MRGPRE: variants seen among roughly 807,000 people sequenced by gnomAD.
MRGPRE encodes MAS related GPR family member E.
For missense variants in MRGPRE, 466 were observed against 433.4 expected, an observed-to-expected ratio of 1.08 and a Z score of -0.67; for synonymous variants, 229 against 206.7, an observed-to-expected ratio of 1.11 and a Z score of -0.92.
Position 3,225,260 on chromosome 11 carries a change from G to A in MRGPRE, c.*2601C>T, listed in dbSNP as rs1847746807. Among the ~76,000 whole-genome samples the A allele has an allele frequency of 6.6e-6, 1 of 152,258 alleles. No homozygotes were observed. The highest frequency in any genetic ancestry group is 2.4e-5 in the African/African-American group (1 of 41,478). On this transcript the variant is annotated 3_prime_UTR_variant, in exon 2 of 2. Coordinates refer to ENST00000389832, the MANE Select transcript of MRGPRE (RefSeq NM_001039165.4). ...AGCCTCCCTGGGCCCTGAGGACGGA[G>A]CGGGTTACACAGGCTCCCTGGAATG...
rs578174308 is a variant in MRGPRE, at chr11:3,226,931, C to G, written c.*930G>C. Among the ~76,000 whole-genome samples, 2 of 152,358 alleles carry G rather than the reference C, an allele frequency of 1.3e-5. No individual in the cohort carries two copies. Among genetic ancestry groups the G allele is most frequent in the African/African-American group, 4.8e-5 (2 of 41,586 alleles). ...CCCAGGCTGTGGGCTCCAAAGCCCC[C>G]ACTCTAGCACCCCTGGCACATGCTC... On this transcript the variant is annotated 3_prime_UTR_variant, in exon 2 of 2. Coordinates refer to ENST00000389832, the MANE Select transcript of MRGPRE (RefSeq NM_001039165.4).
chr11:3,230,102 A>G lies in MRGPRE; in HGVS notation c.-61-1242T>C, dbSNP rs1039252101. On this transcript the variant is annotated intron_variant, in intron 1 of 1. Transcript: ENST00000389832. The surrounding 1 kb of genome is among the most constrained non-coding windows in gnomAD (Gnocchi z 5.5). Reference sequence around the variant, plus strand: ...CTGCCAGGTGCTCAGAGCCGGAGACATGCCTGCAGATACCCGGCCCCATGC... The same window carrying G: ...CTGCCAGGTGCTCAGAGCCGGAGACGTGCCTGCAGATACCCGGCCCCATGC... Among the ~76,000 whole-genome samples the G allele has an allele frequency of 2.0e-5, 3 of 152,148 alleles. No homozygotes were observed. The highest frequency in any genetic ancestry group is 4.4e-5 in the Non-Finnish European group (3 of 68,012).
chr11:3,228,186 C>G lies in MRGPRE; in HGVS notation c.614G>C (p.Arg205Pro). 1 of 1,562,356 alleles carries G rather than the reference C, an allele frequency of 6.4e-7. No individual in the cohort carries two copies. Reference sequence around the variant, plus strand: ...CCGGGGTGGGGGCCGCTGGGGGCCTCGCTCCACCCGCAGCAGCAGCATAAG... The same window carrying G: ...CCGGGGTGGGGGCCGCTGGGGGCCTGGCTCCACCCGCAGCAGCAGCATAAG... The part of the protein sequence containing the change: ...ASLMLLLRVE[R>P]GPQRPPPRGF... Residue 205 changes from arginine (R) to proline (P), a missense_variant, in exon 2 of 2, where the codon CGA (arginine) becomes CCA (proline). Physicochemically the swap from Arg to Pro is moderately radical, Grantham distance 103. Coordinates refer to ENST00000389832, the MANE Select transcript of MRGPRE (RefSeq NM_001039165.4).
At position 3,228,629 on chromosome 11, in the gene MRGPRE, G is replaced by A. The variant is rs376921803; in HGVS notation, c.171C>T (p.Pro57=). The A allele has an allele frequency of 3.8e-5, 62 of 1,614,146 alleles. No individual in the cohort carries two copies. The African/African-American group carries it at 7.5e-4, about 19-fold the overall frequency. The part of the protein sequence containing the change: ...WLLSSNVYRN[P]FAIYLLDVAC... ...CCACGTCCAGGAGGTAGATGGCGAA[G>A]GGGTTTCTGTAGACATTGGAGCTGA... Residue 57 remains proline, a synonymous_variant, in exon 2 of 2, where the codon CCC becomes CCT. Transcript: ENST00000389832.
Position 3,228,374 on chromosome 11 carries a change from A to T in MRGPRE, c.426T>A (p.Cys142Ter). Residue 142 changes from cysteine to a stop codon, truncating the protein, a stop_gained, in exon 2 of 2, where the codon TGT (cysteine) becomes TGA (stop). Transcript: ENST00000389832. LOFTEE classifies it low-confidence loss of function (END_TRUNC). ...SCRRPRHLTTCVCALTWALCL... is the reference protein window; with the variant it reads ...SCRRPRHLTT ...AGAGGGCCCAGGTGAGGGCGCACACACAGGTGGTCAGGTGGCGTGGGCGGC... is the reference window on the plus strand; with the variant it reads ...AGAGGGCCCAGGTGAGGGCGCACACTCAGGTGGTCAGGTGGCGTGGGCGGC... 1 of 1,590,018 alleles carries T rather than the reference A, an allele frequency of 6.3e-7. No individual in the cohort carries two copies. The highest frequency in any genetic ancestry group is 1.3e-5 in the African/African-American group (1 of 74,546).
In MRGPRE at chr11:3,227,071, C is replaced by T. The variant is rs1392094658; in HGVS notation, c.*790G>A. Among the ~76,000 whole-genome samples, 4 of 152,108 alleles carry T rather than the reference C, an allele frequency of 2.6e-5. No homozygotes were observed. Among genetic ancestry groups the T allele is most frequent in the Admixed American group, 6.5e-5 (1 of 15,284 alleles). ...GAGCGGGACTTGCTCAGGACAGAGGCGGGTGAACTGCCTTGGATGGGGCCG... is the reference window on the plus strand; with the variant it reads ...GAGCGGGACTTGCTCAGGACAGAGGTGGGTGAACTGCCTTGGATGGGGCCG... On this transcript the variant is annotated 3_prime_UTR_variant, in exon 2 of 2. Transcript: ENST00000389832.
Position 3,227,840 on chromosome 11 carries a change from T to A in MRGPRE, c.*21A>T. The A allele has an allele frequency of 7.0e-7, 1 of 1,431,364 alleles. No homozygotes were observed. The highest frequency in any genetic ancestry group is 9.2e-7 in the Non-Finnish European group (1 of 1,092,894). 88.7% of individuals were successfully genotyped at this position (1,431,364 alleles called of 1,614,324 possible). Reference sequence around the variant, plus strand: ...CCTCTTGCCTCACGGGGGCTGCAGCTGGGGTCGGGGGCCCCAGGGCTCAGG... The same window carrying A: ...CCTCTTGCCTCACGGGGGCTGCAGCAGGGGTCGGGGGCCCCAGGGCTCAGG... On this transcript the variant is annotated 3_prime_UTR_variant, in exon 2 of 2. Transcript: ENST00000389832.
Position 3,228,533 on chromosome 11 carries a change from C to T in MRGPRE, c.267G>A (p.Leu89=), listed in dbSNP as rs755887832. ...AIVPDLLQGR[L]DFPGFVQTSL... ...TGGTCTGCACGAAGCCCGGGAAGTC[C>T]AGCCGGCCTTGCAGCAAGTCGGGGA... The change falls in exon 2 of 2, where the codon CTG becomes CTA. Residue 89 remains leucine (L), a synonymous_variant. Coordinates refer to ENST00000389832, the MANE Select transcript of MRGPRE (RefSeq NM_001039165.4). 3.6e-5 allele frequency: 58 copies of T among 1,613,802 alleles called. No individual in the cohort carries two copies. Among genetic ancestry groups the T allele is most frequent in the Non-Finnish European group, 4.7e-5 (56 of 1,179,902 alleles).
rs1325272420 is a variant in MRGPRE at position 3,231,909 on chromosome 11, A to G, written c.-62+232T>C. Among the ~76,000 whole-genome samples the G allele has an allele frequency of 6.6e-6, 1 of 152,036 alleles. No homozygotes were observed. ...ACCGGGGGTGGGGGGTTGGGGAGCC[A>G]TCACCCAAGCTATCGTCCTCTTCCA... On this transcript the variant is annotated intron_variant, in intron 1 of 1. Coordinates refer to ENST00000389832, the MANE Select transcript of MRGPRE (RefSeq NM_001039165.4). The surrounding 1 kb of genome is among the most constrained non-coding windows in gnomAD (Gnocchi z 4.7).
Position 3,230,217 on chromosome 11 carries a change from C to A in MRGPRE, c.-61-1357G>T, listed in dbSNP as rs984038922. ...TGGGGTTGGGGGAGAGGGGATGGGG[C>A]CTTGCCTCTCCCCAGAGACTGGCTG... On this transcript the variant is annotated intron_variant, in intron 1 of 1. Transcript: ENST00000389832. The surrounding 1 kb of genome is among the most constrained non-coding windows in gnomAD (Gnocchi z 5.5). Among the ~76,000 whole-genome samples the A allele has an allele frequency of 2.0e-5, 3 of 151,840 alleles. No individual in the cohort carries two copies. The highest frequency in any genetic ancestry group is 6.6e-5 in the Admixed American group (1 of 15,266).
rs762343476 is a variant in MRGPRE at position 3,228,443 on chromosome 11, C to G, written c.357G>C (p.Val119=). The G allele has an allele frequency of 3.7e-6, 6 of 1,611,484 alleles. No individual in the cohort carries two copies. The African/African-American group carries it at 8.0e-5, about 22-fold the overall frequency. ...VGLSLLAAVS[V]EQCLAALFPA... Reference sequence around the variant, plus strand: ...GGAAGAGGGCGGCCAGGCACTGCTCCACGCTGACGGCCGCCAGGAGACTCA... The same window carrying G: ...GGAAGAGGGCGGCCAGGCACTGCTCGACGCTGACGGCCGCCAGGAGACTCA... Residue 119 remains valine, a synonymous_variant, in exon 2 of 2, where the codon GTG becomes GTC. Coordinates refer to ENST00000389832, the MANE Select transcript of MRGPRE (RefSeq NM_001039165.4).
rs904006160 is a variant in MRGPRE, at chr11:3,227,622, G to A, written c.*239C>T. ...GGTTTCCCAAAAATGCACGTTCCTCGGCCTTCTCCCCAGAGACCCGGCCCG... is the reference window on the plus strand; with the variant it reads ...GGTTTCCCAAAAATGCACGTTCCTCAGCCTTCTCCCCAGAGACCCGGCCCG... On this transcript the variant is annotated 3_prime_UTR_variant, in exon 2 of 2. Coordinates refer to ENST00000389832, the MANE Select transcript of MRGPRE (RefSeq NM_001039165.4). 1.4e-5 allele frequency: 6 copies of A among 420,604 alleles called. No homozygotes were observed. The highest frequency in any genetic ancestry group is 2.1e-5 in the Non-Finnish European group (5 of 239,682). The allele number at this position is 420,604 out of a possible 1,614,324, so 26.1% of individuals were successfully genotyped here. A position where few individuals can be genotyped will look rare whatever the true frequency, so the allele number is the denominator to read the frequency against.
rs1190014735 is a variant in MRGPRE at position 3,226,883 on chromosome 11, G to A, written c.*978C>T. 4.6e-5 allele frequency among the ~76,000 whole-genome samples: 7 copies of A among 152,242 alleles called. No individual in the cohort carries two copies. The highest frequency in any genetic ancestry group is 1.0e-4 in the Non-Finnish European group (7 of 68,038). On this transcript the variant is annotated 3_prime_UTR_variant, in exon 2 of 2. Coordinates refer to ENST00000389832, the MANE Select transcript of MRGPRE (RefSeq NM_001039165.4). ...GTTCAGAGATGGCCTTGGCAGCACAGTGGGGTGGCTAGCGGGGCTCAGCCC... is the reference window on the plus strand; with the variant it reads ...GTTCAGAGATGGCCTTGGCAGCACAATGGGGTGGCTAGCGGGGCTCAGCCC...
Position 3,228,478 on chromosome 11 carries a change from T to C in MRGPRE, c.322A>G (p.Ile108Val), listed in dbSNP as rs374764339. ...GCCGCCAGGAGACTCAGGCCCACGA[T>C]GTAGCAGAAGAAGCGCAGCGTTGCC... ...SLATLRFFCY[I>V]VGLSLLAAVS... The change falls in exon 2 of 2, where the codon ATC (isoleucine) becomes GTC (valine). Residue 108 changes from isoleucine (I) to valine (V), a missense_variant. Ile to Val is a conservative substitution (Grantham distance 29, BLOSUM62 3). Coordinates refer to ENST00000389832, the MANE Select transcript of MRGPRE (RefSeq NM_001039165.4). The C allele has an allele frequency of 1.9e-6, 3 of 1,613,246 alleles. No individual in the cohort carries two copies. Among genetic ancestry groups the C allele is most frequent in the African/African-American group, 2.7e-5 (2 of 74,934 alleles).
In MRGPRE at chr11:3,227,804, C is replaced by T. The variant is rs1038015911; in HGVS notation, c.*57G>A. 6 of 1,371,052 alleles carry T rather than the reference C, an allele frequency of 4.4e-6. No homozygotes were observed. The highest frequency in any genetic ancestry group is 1.5e-5 in the African/African-American group (1 of 68,522). The allele number at this position is 1,371,052 out of a possible 1,614,324, so 84.9% of individuals were successfully genotyped here. A position where few individuals can be genotyped will look rare whatever the true frequency, so the allele number is the denominator to read the frequency against. On this transcript the variant is annotated 3_prime_UTR_variant, in exon 2 of 2. Coordinates refer to ENST00000389832, the MANE Select transcript of MRGPRE (RefSeq NM_001039165.4). Reference sequence around the variant, plus strand: ...CCCCAGCCTCTGACCCCACCACCTTCCCCAAGTCACCCTCTTGCCTCACGG... The same window carrying T: ...CCCCAGCCTCTGACCCCACCACCTTTCCCAAGTCACCCTCTTGCCTCACGG...
In MRGPRE at chr11:3,229,212, C is replaced by CTTTT. The variant is rs60799467; in HGVS notation, c.-61-356_-61-353dup. 5.6e-3 allele frequency among the ~76,000 whole-genome samples: 712 copies of CTTTT among 126,440 alleles called. 89 individuals are homozygous for CTTTT. The highest frequency in any genetic ancestry group is 0.01 in the African/African-American group (308 of 29,886). 82.9% of individuals were successfully genotyped at this position (126,440 alleles called of 152,430 possible). On this transcript the variant is annotated intron_variant, in intron 1 of 1. Coordinates refer to ENST00000389832, the MANE Select transcript of MRGPRE (RefSeq NM_001039165.4). This position sits in a 1 kb window ranked among gnomAD's most constrained non-coding sequence, Gnocchi z 4.4. Reference sequence around the variant, plus strand: ...GTGGTGCCTTGATCCTCAGAATGGGCTTTTTTTTTTTTTTTTTTTTTTTTT... The same window carrying CTTTT: ...GTGGTGCCTTGATCCTCAGAATGGGCTTTTTTTTTTTTTTTTTTTTTTTTTTTTT...
Position 3,228,135 on chromosome 11 carries a change from G to T in MRGPRE, c.665C>A (p.Thr222Asn). The change falls in exon 2 of 2, where the codon ACC (threonine) becomes AAC (asparagine). Residue 222 changes from threonine (T) to asparagine (N), a missense_variant. Transcript: ENST00000389832. ...PRGFPGLILL[T>N]VLLFLFCGLP... ...GCCGCAGAAGAGGAAGAGGAGGACG[G>T]TGAGGAGGATGAGCCCAGGGAAGCC... The T allele has an allele frequency of 6.3e-7, 1 of 1,585,756 alleles. No homozygotes were observed. Among genetic ancestry groups the T allele is most frequent in the Middle Eastern group, 1.7e-4 (1 of 6,024 alleles).
intron 1 of MRGPRE, 107 bp from the exon 2 acceptor site, chr11:3,228,967 C>A: frequency 1.6e-6 from 1 of 608,948 alleles, no homozygotes; most frequent in Non-Finnish European, 2.9e-6. Context: ...AATGGTGAGA[C>A]CCTCCAGGAG....
intron 1 of MRGPRE, 124 bp from the exon 2 acceptor site, chr11:3,228,984 C>T: frequency 1.8e-6 from 1 of 558,114 alleles, no homozygotes; most frequent in East Asian, 2.8e-5. Flanking sequence ...GGAGAAGACC[C>T]CTCTCTCATT....
Sources: gnomAD v4.1 joint callset for allele counts (sites outside exome capture counted in the v4.1 genomes callset) on GRCh38, gnomAD v4.1.1 for gene constraint, Gnocchi (gnomAD v3.1) non-coding constraint, MANE v1.5 for transcripts, NCBI Gene and HGNC (gene_info 2026-07-23, HGNC 2026-07-21) for gene names.